The following ZFHX3 variants were observed in gnomAD, a reference collection of about 807,000 sequenced individuals.
ZFHX3 encodes the protein zinc finger homeobox protein 3.
A neutral mutation model predicts 279.1 loss-of-function variants in ZFHX3; 42 were observed. The observed-to-expected ratio is 0.15, with a 90% confidence interval of 0.12 to 0.19. The LOEUF is 0.19. Ranked by LOEUF, ZFHX3 falls within the 10% of genes least tolerant of loss-of-function variation. The probability of loss-of-function intolerance (pLI) is 1.00; values close to 1 mark genes in which losing one functional copy is unlikely to be tolerated. For missense variants in ZFHX3, 4,981 were observed against 4,754.0 expected (o/e 1.05, Z -1.40); for synonymous variants, 2,293 against 1,957.8 (o/e 1.17, Z -4.52).
intron 1 of ZFHX3, among the ~76,000 whole-genome samples, chr16:73,859,408 T>A (rs1292103367): frequency 6.6e-6 from 1 of 152,204 alleles, no homozygotes; most frequent in Non-Finnish European, 1.5e-5. Flanking sequence ...CCTTGACTCC[T>A]GTCTCTCTCT....
chr16:73,020,550 C>G (rs889875468), intron 1 of ZFHX3, among the ~76,000 whole-genome samples: 3 of 152,212 alleles, frequency 2.0e-5, no homozygotes, highest in African/African-American at 7.2e-5. Flanking sequence ...CACTGTGTAG[C>G]CAGCTGCCCC....
At chr16:73,058,936 C>T (rs1440150051) in exon 1 of ZFHX3, 2 of 156,874 alleles carry the variant, frequency 1.3e-5, no homozygotes, top group Non-Finnish European at 2.6e-5. Flanking sequence ...GCGGCGGCTG[C>T]GGCCGGGAGG....
At position 73,569,978 on chromosome 16, in the gene ZFHX3, CT is replaced by C. The variant is rs2051717434; in HGVS notation, c.-1547+110201del. ...GAGGGCGTGAAGTCCTAAAAATAGGCTGCCGAGGCAGTTTCCCAAGCTTTCC... is the reference window on the plus strand; with the variant it reads ...GAGGGCGTGAAGTCCTAAAAATAGGCGCCGAGGCAGTTTCCCAAGCTTTCC... On this transcript the variant is annotated intron_variant, in intron 2 of 17. Transcript: ENST00000641206. Among the ~76,000 whole-genome samples, 5 of 152,332 alleles carry C rather than the reference CT, an allele frequency of 3.3e-5. No individual in the cohort carries two copies. The South Asian group carries it at 8.3e-4, about 25-fold the overall frequency.
chr16:72,950,599 A>G lies in ZFHX3; in HGVS notation c.3086T>C (p.Leu1029Pro). The G allele has an allele frequency of 6.2e-7, 1 of 1,614,148 alleles. No homozygotes were observed. The highest frequency in any genetic ancestry group is 8.5e-7 in the Non-Finnish European group (1 of 1,180,034). Reference protein sequence around the residue: ...KEGGKANEWRLKCVAIGNPVH... With the variant: ...KEGGKANEWRPKCVAIGNPVH... ...GGGGTTGCCGATGGCCACACACTTG[A>G]GCCTCCACTCGTTGGCCTTGCCGCC... is the stretch of plus-strand genomic sequence containing the variant. The change falls in exon 3 of 10, where the codon CTC becomes CCC. Residue 1029 changes from leucine to proline, a missense_variant. Leu to Pro is a moderately conservative substitution (Grantham distance 98). Transcript: ENST00000268489.
chr16:73,618,440 T>G (rs2052326588), intron 2 of ZFHX3, among the ~76,000 whole-genome samples: 1 of 152,262 alleles, frequency 6.6e-6, no homozygotes, highest in Non-Finnish European at 1.5e-5. Context: ...AGGATTATTG[T>G]CATTCTCTAT....
chr16:73,690,089 G>C (rs1263187821), intron 1 of ZFHX3, among the ~76,000 whole-genome samples: 1 of 152,032 alleles, frequency 6.6e-6, no homozygotes, highest in Non-Finnish European at 1.5e-5. Context: ...TAATTTTTTT[G>C]TACTTTTAGT....
chr16:73,695,987 C>A (rs2053194381), intron 1 of ZFHX3, among the ~76,000 whole-genome samples: 1 of 152,146 alleles, frequency 6.6e-6, no homozygotes, highest in South Asian at 2.1e-4. Flanking sequence ...TTAGACTTGT[C>A]CTGACTATAA....
At chr16:73,380,978 G>A (rs750789694) in intron 3 of ZFHX3, among the ~76,000 whole-genome samples, 2 of 152,006 alleles carry the variant, frequency 1.3e-5, no homozygotes, top group Non-Finnish European at 2.9e-5. Flanking sequence ...GCTGCTTCTC[G>A]CATTTACTAT....
intron 5 of ZFHX3, among the ~76,000 whole-genome samples, chr16:73,156,529 T>C (rs1967089732): frequency 6.6e-6 from 1 of 152,126 alleles, no homozygotes; most frequent in South Asian, 2.1e-4. Context: ...TCGCTCCTGG[T>C]CTTGCTTTGT....
intron 1 of ZFHX3, among the ~76,000 whole-genome samples, chr16:73,808,051 C>T (rs1407035217): frequency 6.6e-6 from 1 of 152,100 alleles, no homozygotes; most frequent in African/African-American, 2.4e-5. Context: ...GGCTTACACT[C>T]AGAAACCCTA....
At chr16:73,780,222 A>G (rs1040117090) in intron 1 of ZFHX3, among the ~76,000 whole-genome samples, 2 of 130,580 alleles carry the variant, frequency 1.5e-5, no homozygotes, top group African/African-American at 5.9e-5. Context: ...ATCTTGGCTC[A>G]CTGCAACCTC....
At chr16:73,795,683 T>C (rs543702562) in intron 1 of ZFHX3, among the ~76,000 whole-genome samples, 1 of 152,344 alleles carries the variant, frequency 6.6e-6, no homozygotes, top group Admixed American at 6.5e-5. Context: ...GTTTCCAGAA[T>C]GACCTGTTCC....
At chr16:73,322,409 G>A in intron 3 of ZFHX3, among the ~76,000 whole-genome samples, 1 of 152,072 alleles carries the variant, frequency 6.6e-6, no homozygotes, top group Non-Finnish European at 1.5e-5. Flanking sequence ...CTTGATGTAT[G>A]GTCCCATCAG....
chr16:73,407,305 C>G (rs951616684), intron 3 of ZFHX3, among the ~76,000 whole-genome samples: 1 of 152,144 alleles, frequency 6.6e-6, no homozygotes, highest in Non-Finnish European at 1.5e-5. Flanking sequence ...AATGACAGTT[C>G]GGCTGTGTAC....
At chr16:73,644,886 A>G (rs1382046079) in intron 2 of ZFHX3, among the ~76,000 whole-genome samples, 1 of 152,188 alleles carries the variant, frequency 6.6e-6, no homozygotes, top group Non-Finnish European at 1.5e-5. Context: ...CAAAGCCACA[A>G]CATATTTAAT....
chr16:72,819,270 G>T (rs1297176576), intron 5 of ZFHX3, among the ~76,000 whole-genome samples: 1 of 150,800 alleles, frequency 6.6e-6, no homozygotes, highest in Non-Finnish European at 1.5e-5. Flanking sequence ...AAGACTTAGG[G>T]CCCTATGCCT....
intron 1 of ZFHX3, among the ~76,000 whole-genome samples, chr16:73,891,440 C>A (rs1295265873): frequency 6.6e-6 from 1 of 151,972 alleles, no homozygotes; most frequent in Non-Finnish European, 1.5e-5. Flanking sequence ...TTAGGTAGCT[C>A]CCCCACCCTC....
intron 3 of ZFHX3, among the ~76,000 whole-genome samples, chr16:73,375,791 G>A (rs540970891): frequency 6.6e-6 from 1 of 152,184 alleles, no homozygotes; most frequent in East Asian, 1.9e-4. Flanking sequence ...AACCATCAGC[G>A]ATATCATTAC....
chr16:73,791,985 T>C lies in ZFHX3; in HGVS notation c.-1608+99666A>G, dbSNP rs184415906. Among the ~76,000 whole-genome samples the C allele has an allele frequency of 6.2e-3, 946 of 152,286 alleles. 2 individuals are homozygous for C. Among genetic ancestry groups the C allele is most frequent in the Non-Finnish European group, 0.011 (768 of 68,032 alleles). On this transcript the variant is annotated intron_variant, in intron 1 of 17. Coordinates refer to the ZFHX3 transcript ENST00000641206. ...GGGAAAATTAAGAGCAAGAACTTTG[T>C]CTAATGCCTGGTGATAAATCAATGG...
Sources: allele counts gnomAD v4.1 joint callset (sites outside exome capture counted in the v4.1 genomes callset), GRCh38; gene constraint gnomAD v4.1.1; transcripts MANE v1.5; gene names NCBI Gene and HGNC (gene_info 2026-07-23, HGNC 2026-07-21).